PCDHA1: variants seen among roughly 807,000 people sequenced by gnomAD.
The protein encoded by PCDHA1 is protocadherin alpha-1.
A neutral mutation model predicts 61.3 loss-of-function variants in PCDHA1; 42 were observed. The ratio of observed to expected loss-of-function variants is 0.69; its 90% confidence interval spans 0.54 to 0.89. The LOEUF (loss-of-function observed/expected upper bound fraction) is 0.89. Ranked by LOEUF, PCDHA1 falls within the 40% of genes least tolerant of loss-of-function variation. The probability of loss-of-function intolerance (pLI) is 0.00; values close to 1 mark genes in which losing one functional copy is unlikely to be tolerated. For missense variants in PCDHA1, 1,256 were observed against 1,235.3 expected, an observed-to-expected ratio of 1.02 and a Z score of -0.25; for synonymous variants, 610 against 553.8, an observed-to-expected ratio of 1.10 and a Z score of -1.43.
intron 1 of PCDHA1, chr5:140,835,887 C>G (rs1554135389): frequency 1.2e-6 from 2 of 1,611,898 alleles, no homozygotes; most frequent in Non-Finnish European, 1.7e-6. Flanking sequence ...GGTGGGCGAG[C>G]GCGCGCTGTC....
intron 1 of PCDHA1, chr5:140,862,303 T>C (rs2047298994): frequency 3.6e-6 from 1 of 279,072 alleles, no homozygotes; most frequent in South Asian, 4.0e-5. Flanking sequence ...CTCCACTGGG[T>C]ACCGTCATAG....
intron 1 of PCDHA1, chr5:140,969,258 A>G (rs782513796): frequency 9.3e-6 from 15 of 1,614,106 alleles, no homozygotes; most frequent in Admixed American, 8.3e-5. Context: ...GACAGCAGGA[A>G]TCTCACAGGC....
At chr5:140,925,108 G>GGAGGGAA (rs1554202548) in intron 1 of PCDHA1, among the ~76,000 whole-genome samples, 1 of 124,702 alleles carries the variant, frequency 8.0e-6, no homozygotes, top group African/African-American at 3.3e-5. Context: ...GAAGGAAGGA[G>GGAGGGAA]GGAAGGAAGG....
At chr5:140,848,386 TC>T in intron 1 of PCDHA1, 1 of 1,217,430 alleles carries the variant, frequency 8.2e-7, no homozygotes, top group Non-Finnish European at 1.2e-6. Context: ...TTTTTCACTC[TC>T]TCTGTGCTGA....
At chr5:140,884,563 T>G in intron 1 of PCDHA1, 4 of 1,614,150 alleles carry the variant, frequency 2.5e-6, no homozygotes, top group Non-Finnish European at 3.4e-6. Context: ...AGGGCCCGCA[T>G]AAGACGGACC....
chr5:140,898,560 G>T lies in PCDHA1; in HGVS notation c.2395-80389G>T, dbSNP rs185604146. On this transcript the variant is annotated intron_variant, in intron 1 of 3. Coordinates refer to ENST00000504120, the MANE Select transcript of PCDHA1 (RefSeq NM_018900.4). ...TTCCATTTATCTATGTCTCTGTTTT[G>T]GTACCAGTGCCATGCTGTTTTGGTT... Among the ~76,000 whole-genome samples the T allele has an allele frequency of 5.1e-3, 775 of 152,210 alleles. 4 individuals carry two copies. The highest frequency in any genetic ancestry group is 8.5e-3 in the Non-Finnish European group (578 of 68,016).
chr5:140,875,441 T>C (rs781902185), intron 1 of PCDHA1: 1 of 1,570,886 alleles, frequency 6.4e-7, no homozygotes, highest in Admixed American at 1.9e-5. Flanking sequence ...TTAAAACTGA[T>C]TGTCCCAACT....
intron 1 of PCDHA1, among the ~76,000 whole-genome samples, chr5:140,894,069 T>C (rs1209752630): frequency 2.6e-5 from 4 of 152,196 alleles, no homozygotes; most frequent in African/African-American, 9.6e-5. Flanking sequence ...TTTAAATACA[T>C]TTATTTTATT....
At chr5:140,965,861 T>C (rs971753310) in intron 1 of PCDHA1, among the ~76,000 whole-genome samples, 3 of 152,192 alleles carry the variant, frequency 2.0e-5, no homozygotes, top group African/African-American at 7.2e-5. Flanking sequence ...ACACTGAAAA[T>C]AAGGGCCACT....
intron 1 of PCDHA1, among the ~76,000 whole-genome samples, chr5:140,946,629 T>TATATATATATATATATATAC (rs1367833800): frequency 1.4e-4 from 17 of 123,272 alleles, no homozygotes; most frequent in African/African-American, 5.1e-4. Context: ...TATATATATA[T>TATATATATATATATATATAC]ATACAATGGA....
At position 140,788,323 on chromosome 5, in the gene PCDHA1, C is replaced by T. The variant is rs1761458307; in HGVS notation, c.2033C>T (p.Ala678Val). Residue 678 changes from alanine (A) to valine (V), a missense_variant, in exon 1 of 4, where the codon GCG (alanine) becomes GTG (valine). By Grantham distance (64) the Ala-to-Val change is moderately conservative. Coordinates refer to ENST00000504120, the MANE Select transcript of PCDHA1 (RefSeq NM_018900.4). ...GTGGAGAGCGGCCAGGCGCCAAAGG[C>T]GTCTTCGCGGGCGTCGGTGGGTGTC... ...SLVESGQAPK[A>V]SSRASVGVAG... is the part of the protein sequence containing the mutation. 6.2e-7 allele frequency: 1 copy of T among 1,613,932 alleles called. No individual in the cohort carries two copies. The highest frequency in any genetic ancestry group is 1.1e-5 in the South Asian group (1 of 91,076).
intron 1 of PCDHA1, chr5:140,929,425 A>G (rs2086148550): frequency 6.7e-7 from 1 of 1,496,844 alleles, no homozygotes. Context: ...CATTTCATCA[A>G]TTGAACTAAA....
At position 140,786,698 on chromosome 5, in the gene PCDHA1, A is replaced by C; in HGVS notation, c.408A>C (p.Arg136Ser). Residue 136 changes from arginine (R) to serine (S), a missense_variant, in exon 1 of 4, where the codon AGA becomes AGC. Transcript: ENST00000504120. ...INDNPPVFRG[R>S]EQIIFIPESR... ...ATAATCCACCCGTCTTCAGGGGCAG[A>C]GAACAAATAATATTTATTCCTGAAT... 1.9e-6 allele frequency: 3 copies of C among 1,614,244 alleles called. No individual in the cohort carries two copies. The highest frequency in any genetic ancestry group is 2.5e-6 in the Non-Finnish European group (3 of 1,180,050).
chr5:140,886,705 A>T (rs1293719338), intron 1 of PCDHA1, among the ~76,000 whole-genome samples: 3 of 152,058 alleles, frequency 2.0e-5, no homozygotes, highest in Non-Finnish European at 2.9e-5. Flanking sequence ...ACGCGCCTGT[A>T]ATCCCAGCTA....
At position 140,787,545 on chromosome 5, in the gene PCDHA1, T is replaced by A. The variant is rs1274029719; in HGVS notation, c.1255T>A (p.Ser419Thr). ...CAGCGCCCTGGATCGCGAGAGCCTG[T>A]CGGTCTATGAGCTGGTGGTGACCGC... Reference protein sequence around the residue: ...LDSALDRESLSVYELVVTARD... With the variant: ...LDSALDRESLTVYELVVTARD... The change falls in exon 1 of 4, where the codon TCG becomes ACG. Residue 419 changes from serine (S) to threonine (T), a missense_variant. Physicochemically the swap from Ser to Thr is moderately conservative, Grantham distance 58. Coordinates refer to ENST00000504120, the MANE Select transcript of PCDHA1 (RefSeq NM_018900.4). The A allele has an allele frequency of 2.5e-6, 4 of 1,614,100 alleles. No homozygotes were observed. Among genetic ancestry groups the A allele is most frequent in the Admixed American group, 1.7e-5 (1 of 60,010 alleles).
intron 1 of PCDHA1, chr5:140,823,435 G>C (rs2150125810): frequency 6.8e-6 from 11 of 1,613,290 alleles, no homozygotes; most frequent in East Asian, 2.2e-5. Flanking sequence ...GCAGGTGTTC[G>C]TGCTGGACGA....
chr5:140,861,768 T>TACCA (rs3834243), intron 1 of PCDHA1: 106,057 of 158,892 alleles, frequency 0.67, 35,632 homozygotes, highest in African/African-American at 0.71. Flanking sequence ...TCCCTGGAAA[T>TACCA]ACCAAGAGCA....
At chr5:140,891,428 C>G (rs2063097176) in intron 1 of PCDHA1, among the ~76,000 whole-genome samples, 1 of 149,620 alleles carries the variant, frequency 6.7e-6, no homozygotes, top group Admixed American at 6.7e-5. Flanking sequence ...CCCCAAGTCC[C>G]CAACGTCCAT....
chr5:140,842,282 G>A (rs2150333421), intron 1 of PCDHA1: 1 of 1,610,576 alleles, frequency 6.2e-7, no homozygotes, highest in Admixed American at 1.7e-5. Flanking sequence ...AATCCTCATT[G>A]ACGCCACGGA....
Sources: gnomAD v4.1 joint callset for allele counts (sites outside exome capture counted in the v4.1 genomes callset) on GRCh38, gnomAD v4.1.1 for gene constraint, MANE v1.5 for transcripts, NCBI Gene and HGNC (gene_info 2026-07-23, HGNC 2026-07-21) for gene names.